DCAF5: variants seen among roughly 807,000 people sequenced by gnomAD.
The protein encoded by DCAF5 is DDB1- and CUL4-associated factor 5.
Under a neutral mutation model 80.7 loss-of-function variants are expected in DCAF5, and 9 were observed. The ratio of observed to expected loss-of-function variants is 0.11; its 90% CI spans 0.07 to 0.19. The LOEUF (loss-of-function observed/expected upper bound fraction) is 0.19, where lower values mean the gene tolerates loss of function less well. DCAF5 is among the 10% of genes least tolerant of loss of function. The pLI is 1.00. For missense variants in DCAF5, 842 were observed against 1,205.7 expected, an observed-to-expected ratio of 0.70 and a Z score of 4.47; for synonymous variants, 433 against 461.9, an observed-to-expected ratio of 0.94 and a Z score of 0.80.
intron 6 of DCAF5, among the ~76,000 whole-genome samples, chr14:69,076,481 A>T (rs539468924): frequency 9.2e-5 from 14 of 152,378 alleles, no homozygotes; most frequent in African/African-American, 3.4e-4. Flanking sequence ...ATTCTGACAC[A>T]TGCTACAACA....
In DCAF5 at chr14:69,071,405, A is replaced by C. The variant is rs2038686827; in HGVS notation, c.946+3940T>G. ...TGGCTCACACTCAGGACCACTCTCCATCTCGTTCTCTCAGCACTCGGCACG... is the reference window on the plus strand; with the variant it reads ...TGGCTCACACTCAGGACCACTCTCCCTCTCGTTCTCTCAGCACTCGGCACG... On this transcript the variant is annotated intron_variant, in intron 7 of 8. Coordinates refer to ENST00000341516, the MANE Select transcript of DCAF5 (RefSeq NM_003861.3). 1.3e-5 allele frequency among the ~76,000 whole-genome samples: 2 copies of C among 152,160 alleles called. 1 individual carries two copies. The highest frequency in any genetic ancestry group is 4.1e-4 in the South Asian group (2 of 4,830).
chr14:69,076,409 T>C (rs2038900102), intron 6 of DCAF5, among the ~76,000 whole-genome samples: 2 of 152,214 alleles, frequency 1.3e-5, no homozygotes, highest in Non-Finnish European at 2.9e-5. Context: ...GATAGATGAA[T>C]GGATAAACAA....
intron 8 of DCAF5, among the ~76,000 whole-genome samples, chr14:69,059,588 A>G (rs1205269438): frequency 6.6e-6 from 1 of 152,214 alleles, no homozygotes; most frequent in Non-Finnish European, 1.5e-5. Flanking sequence ...CTTTCAGGAT[A>G]ACGTAAGTGC....
chr14:69,153,157 C>T (rs536923345), upstream of DCAF5: 184 of 447,978 alleles, frequency 4.1e-4, 5 homozygotes, highest in South Asian at 8.7e-3. Context: ...CCTGACGGTC[C>T]CCTCCCTCTC....
Position 69,053,832 on chromosome 14 carries a change from G to A in DCAF5, c.*25C>T, listed in dbSNP as rs774650930. On this transcript the variant is annotated 3_prime_UTR_variant, in exon 9 of 9. Transcript: ENST00000341516. ...TTTTTTTTGTAAGGCTACTTTTGTAGCTTTTTGTTTTCCCTTTGTATTTAT... is the reference window on the plus strand; with the variant it reads ...TTTTTTTTGTAAGGCTACTTTTGTAACTTTTTGTTTTCCCTTTGTATTTAT... 5.1e-6 allele frequency: 8 copies of A among 1,556,146 alleles called. No individual in the cohort carries two copies. Among genetic ancestry groups the A allele is most frequent in the Non-Finnish European group, 6.9e-6 (8 of 1,160,986 alleles).
chr14:69,097,500 TTTCTA>T (rs1280922406), intron 5 of DCAF5, among the ~76,000 whole-genome samples: 9 of 152,164 alleles, frequency 5.9e-5, no homozygotes, highest in Non-Finnish European at 1.2e-4. Flanking sequence ...TGCAATGTAC[TTTCTA>T]TTCTATATTT....
intron 6 of DCAF5, chr14:69,084,140 C>T (rs2039225808): frequency 1.1e-5 from 9 of 855,354 alleles, no homozygotes; most frequent in Non-Finnish European, 1.8e-5. Context: ...AACAGGGGTC[C>T]TTATTCTCTC....
At chr14:69,091,417 C>G (rs1026137663) in intron 6 of DCAF5, among the ~76,000 whole-genome samples, 3 of 152,066 alleles carry the variant, frequency 2.0e-5, no homozygotes, top group African/African-American at 7.2e-5. Flanking sequence ...AAAATCTGTT[C>G]ACAAACTTGG....
chr14:69,120,932 G>A (rs528794480), intron 2 of DCAF5, among the ~76,000 whole-genome samples: 1 of 152,304 alleles, frequency 6.6e-6, no homozygotes, highest in Admixed American at 6.5e-5. Flanking sequence ...CATAAGCAGG[G>A]TGAAAGTACA....
In DCAF5 at chr14:69,065,951, C is replaced by A. The variant is rs1034502100; in HGVS notation, c.947-3440G>T. On this transcript the variant is annotated intron_variant, in intron 7 of 8. Transcript: ENST00000341516. ...AGGGCCCAGGTAAGGATCAACTTCACCCCCTGGTTGCTGAACTAAGTCCTG... is the reference window on the plus strand; with the variant it reads ...AGGGCCCAGGTAAGGATCAACTTCAACCCCTGGTTGCTGAACTAAGTCCTG... Among the ~76,000 whole-genome samples the A allele has an allele frequency of 2.0e-5, 3 of 152,132 alleles. No homozygotes were observed. In the South Asian group the frequency reaches 6.2e-4, roughly 31 times the overall value.
In DCAF5 at chr14:69,053,468, T is replaced by C. The variant is rs2037824400; in HGVS notation, c.*389A>G. 5.9e-6 allele frequency: 1 copy of C among 170,346 alleles called. No homozygotes were observed. The highest frequency in any genetic ancestry group is 1.3e-5 in the Non-Finnish European group (1 of 79,134). 10.6% of individuals were successfully genotyped at this position (170,346 alleles called of 1,614,324 possible). ...ATGGCAAAAAGTACAAATTCATAGG[T>C]CCTTTCTGATGGAGAACTAAAAGGA... On this transcript the variant is annotated 3_prime_UTR_variant, in exon 9 of 9. Transcript: ENST00000341516.
intron 7 of DCAF5, among the ~76,000 whole-genome samples, chr14:69,070,600 T>A (rs1031743171): frequency 6.6e-6 from 1 of 152,152 alleles, no homozygotes; most frequent in African/African-American, 2.4e-5. Context: ...AGTCTAATGC[T>A]CCTTTCAATA....
intron 1 of DCAF5, among the ~76,000 whole-genome samples, chr14:69,126,147 C>CA (rs1242272879): frequency 2.0e-5 from 3 of 147,798 alleles, no homozygotes; most frequent in African/African-American, 7.5e-5. Flanking sequence ...AATAAATAGA[C>CA]AGAGATTCTT....
intron 7 of DCAF5, among the ~76,000 whole-genome samples, chr14:69,069,734 C>G (rs991344108): frequency 1.3e-5 from 2 of 152,070 alleles, no homozygotes; most frequent in African/African-American, 4.8e-5. Flanking sequence ...CTCAGCCTCC[C>G]AAAGTGCCAG....
chr14:69,056,723 T>C (rs1011646311), intron 8 of DCAF5, among the ~76,000 whole-genome samples: 1 of 152,178 alleles, frequency 6.6e-6, no homozygotes, highest in Non-Finnish European at 1.5e-5. Context: ...TCCCCAAAGC[T>C]ATCTAAGGAC....
In DCAF5 at chr14:69,105,929, A is replaced by ATATATATATATATATATATC. The variant is rs1457390784; in HGVS notation, c.665+10436_665+10437insGATATATATATATATATATA. Among the ~76,000 whole-genome samples the ATATATATATATATATATATC allele has an allele frequency of 1.2e-3, 103 of 83,008 alleles. 8 individuals are homozygous for ATATATATATATATATATATC. Among genetic ancestry groups the ATATATATATATATATATATC allele is most frequent in the Middle Eastern group, 6.3e-3 (1 of 160 alleles). The allele number at this position is 83,008 out of a possible 152,430, so 54.5% of individuals were successfully genotyped here. On this transcript the variant is annotated intron_variant, in intron 5 of 8. Transcript: ENST00000341516. ...AATAAACTGTCATATATATATATATATATATATATATATATATCTCCTATT... is the reference window on the plus strand; with the variant it reads ...AATAAACTGTCATATATATATATATATATATATATATATATATATCTATATATATATATATATCTCCTATT...
chr14:69,119,107 A>G lies in DCAF5; in HGVS notation c.395+87T>C, dbSNP rs1026288349. 27 of 1,382,730 alleles carry G rather than the reference A, an allele frequency of 2.0e-5. No individual in the cohort carries two copies. The African/African-American group carries it at 3.5e-4, about 18-fold the overall frequency. The allele number at this position is 1,382,730 out of a possible 1,614,324, so 85.7% of individuals were successfully genotyped here. On this transcript the variant is annotated intron_variant, in intron 3 of 8. Coordinates refer to ENST00000341516, the MANE Select transcript of DCAF5 (RefSeq NM_003861.3). ...TTTCATGTTGTTTTTTTCAAAAAAC[A>G]AAAACTATTTTAGTCTAAAGAGATA...
rs35075766 is a variant in DCAF5 at position 69,105,914 on chromosome 14, CATATATATATATATATAT to C, written c.665+10434_665+10451del. ...GAGCCAATTTTCCCTAATAAACTGT[CATATATATATATATATAT>C]ATATATATATATATCTCCTATTGGT... On this transcript the variant is annotated intron_variant, in intron 5 of 8. Coordinates refer to ENST00000341516, the MANE Select transcript of DCAF5 (RefSeq NM_003861.3). Among the ~76,000 whole-genome samples, 53 of 50,014 alleles carry C rather than the reference CATATATATATATATATAT, an allele frequency of 1.1e-3. 5 individuals carry two copies. The South Asian group carries it at 0.016, about 15-fold the overall frequency. The allele number at this position is 50,014 out of a possible 152,430, so 32.8% of individuals were successfully genotyped here. A position where few individuals can be genotyped will look rare whatever the true frequency, so the allele number is the denominator to read the frequency against.
At chr14:69,138,676 C>T (rs562867614) in intron 1 of DCAF5, among the ~76,000 whole-genome samples, 1 of 152,302 alleles carries the variant, frequency 6.6e-6, no homozygotes, top group Non-Finnish European at 1.5e-5. Flanking sequence ...AATCATTTTA[C>T]CTCTTTGCTC....
Sources: allele counts gnomAD v4.1 joint callset (sites outside exome capture counted in the v4.1 genomes callset), GRCh38; gene constraint gnomAD v4.1.1; transcripts MANE v1.5; gene names NCBI Gene and HGNC (gene_info 2026-07-23, HGNC 2026-07-21).